The following FBXL13 variants were observed in gnomAD, a reference collection of about 807,000 sequenced individuals.
FBXL13 encodes the protein F-box and leucine-rich repeat protein 13.
A neutral mutation model predicts 83.6 loss-of-function variants in FBXL13; 67 were observed. The ratio of observed to expected loss-of-function variants is 0.80; its 90% confidence interval spans 0.66 to 0.98. The LOEUF is 0.98. Ranked by LOEUF, FBXL13 falls within the 50% of genes least tolerant of loss-of-function variation. The pLI is 0.00. For missense variants in FBXL13, 822 were observed against 866.5 expected (o/e 0.95, Z 0.64); for synonymous variants, 272 against 299.5 (o/e 0.91, Z 0.95).
intron 11 of FBXL13, among the ~76,000 whole-genome samples, chr7:102,904,395 C>A (rs1028644071): frequency 2.7e-5 from 4 of 150,514 alleles, no homozygotes; most frequent in Admixed American, 2.6e-4. Flanking sequence ...TATTCTTTTT[C>A]TTTTTTTTTA....
chr7:102,995,287 A>ACC (rs1829983287), intron 6 of FBXL13, among the ~76,000 whole-genome samples: 1 of 148,120 alleles, frequency 6.8e-6, no homozygotes. Flanking sequence ...CGAGACCATT[A>ACC]TGGCTAACAT....
At chr7:102,888,220 C>T (rs1563047774) in intron 11 of FBXL13, among the ~76,000 whole-genome samples, 1 of 151,658 alleles carries the variant, frequency 6.6e-6, no homozygotes, top group East Asian at 2.0e-4. Flanking sequence ...GGAAAGAGTG[C>T]AGAGTTTGGC....
At chr7:102,848,273 G>GTGTGTACGGATATT (rs1299866637) in intron 17 of FBXL13, among the ~76,000 whole-genome samples, 1 of 116,168 alleles carries the variant, frequency 8.6e-6, no homozygotes, top group South Asian at 2.7e-4. Context: ...ATACACATTC[G>GTGTGTACGGATATT]AGGCCGGGCG....
At chr7:103,063,782 T>C (rs1262919111) in intron 1 of FBXL13, among the ~76,000 whole-genome samples, 1 of 138,712 alleles carries the variant, frequency 7.2e-6, no homozygotes, top group Admixed American at 7.8e-5. Context: ...TTCAAACTCC[T>C]GGCCTCAAGG....
chr7:102,937,506 C>CAAAAAA (rs10642422), intron 8 of FBXL13, among the ~76,000 whole-genome samples: 4 of 113,488 alleles, frequency 3.5e-5, no homozygotes, highest in East Asian at 2.6e-4. Context: ...GACTCTGTCT[C>CAAAAAA]AAAAAAAAAA....
chr7:102,854,419 C>T (rs1484633029), intron 17 of FBXL13, among the ~76,000 whole-genome samples: 1 of 152,086 alleles, frequency 6.6e-6, no homozygotes, highest in Admixed American at 6.6e-5. Context: ...ATACCTAATG[C>T]TAGATGACGA....
intron 14 of FBXL13, among the ~76,000 whole-genome samples, chr7:102,882,911 G>GA (rs1810299394): frequency 6.6e-6 from 1 of 152,042 alleles, no homozygotes; most frequent in African/African-American, 2.4e-5. Flanking sequence ...CTTCACAGAG[G>GA]AAAAATCTAT....
intron 17 of FBXL13, among the ~76,000 whole-genome samples, chr7:102,838,448 T>C (rs1562972874): frequency 6.6e-6 from 1 of 150,672 alleles, no homozygotes; most frequent in Admixed American, 6.6e-5. Context: ...AACACCATAG[T>C]AAAAAAAAAA....
rs1350080476 is a variant in FBXL13, at chr7:103,028,810, ATAAAT to A, written c.69-67_69-63del. 7.4e-6 allele frequency: 10 copies of A among 1,346,492 alleles called. No homozygotes were observed. In the Admixed American group the frequency reaches 1.4e-4, roughly 19 times the overall value. 83.4% of individuals were successfully genotyped at this position (1,346,492 alleles called of 1,614,324 possible). ...TGATATTAGGGCAATATATCATTAA[ATAAAT>A]TAAGGAGAACAAAGAATGATATCTC... On this transcript the variant is annotated intron_variant, in intron 3 of 19. Coordinates refer to ENST00000313221, the Ensembl canonical transcript of FBXL13.
intron 6 of FBXL13, chr7:102,976,274 CT>C (rs1315379612): frequency 1.7e-5 from 12 of 685,846 alleles, no homozygotes; most frequent in Middle Eastern, 5.0e-4. Context: ...GCAACCTATT[CT>C]GCTTTCCCTA....
At chr7:103,063,451 A>G (rs13222980) in intron 1 of FBXL13, among the ~76,000 whole-genome samples, 86,096 of 152,048 alleles carry the variant, frequency 0.57, 27,141 homozygotes, top group Non-Finnish European at 0.7. Flanking sequence ...TCAGTCTCCA[A>G]GGAAGGTCTT....
intron 10 of FBXL13, among the ~76,000 whole-genome samples, chr7:102,919,296 G>A (rs568635660): frequency 6.6e-6 from 1 of 152,262 alleles, no homozygotes; most frequent in South Asian, 2.1e-4. Flanking sequence ...AGAGAAGGCA[G>A]TATGCTAATG....
intron 10 of FBXL13, among the ~76,000 whole-genome samples, chr7:102,918,289 T>C (rs2129469935): frequency 6.6e-6 from 1 of 152,318 alleles, no homozygotes; most frequent in South Asian, 2.1e-4. Flanking sequence ...ATTCTGAATA[T>C]TCTCTCAATG....
At chr7:102,883,901 A>C (rs1323192820) in intron 12 of FBXL13, among the ~76,000 whole-genome samples, 3 of 152,228 alleles carry the variant, frequency 2.0e-5, no homozygotes, top group African/African-American at 7.2e-5. Flanking sequence ...GAGTATGGGA[A>C]AATATGAGAA....
intron 10 of FBXL13, among the ~76,000 whole-genome samples, chr7:102,924,959 G>A (rs937960700): frequency 6.6e-6 from 1 of 151,728 alleles, no homozygotes; most frequent in Non-Finnish European, 1.5e-5. Flanking sequence ...TCTCATCACC[G>A]TTATTTTTCA....
rs139794895 is a variant in FBXL13, at chr7:103,033,155, T to C, written c.1-3737A>G. On this transcript the variant is annotated intron_variant, in intron 2 of 19. Transcript: ENST00000313221. ...ACAGACAAGAGACTAAGAAAGGTTTTTTTGTTTGTTTTTTGTTTTTGTTTT... is the reference window on the plus strand; with the variant it reads ...ACAGACAAGAGACTAAGAAAGGTTTCTTTGTTTGTTTTTTGTTTTTGTTTT... 3.9e-3 allele frequency among the ~76,000 whole-genome samples: 581 copies of C among 150,198 alleles called. 4 individuals are homozygous for C. The highest frequency in any genetic ancestry group is 0.014 in the African/African-American group (573 of 39,562).
intron 6 of FBXL13, among the ~76,000 whole-genome samples, chr7:103,011,496 A>G (rs1791616452): frequency 6.6e-6 from 1 of 152,028 alleles, no homozygotes; most frequent in South Asian, 2.1e-4. Flanking sequence ...AAAATTAGCC[A>G]GGTGTGGTGG....
chr7:103,003,428 C>T (rs1316929184), intron 6 of FBXL13, among the ~76,000 whole-genome samples: 1 of 150,870 alleles, frequency 6.6e-6, no homozygotes, highest in Non-Finnish European at 1.5e-5. Context: ...GCTGGGATTA[C>T]AGGTGCACGC....
chr7:103,043,284 C>T, intron 2 of FBXL13, among the ~76,000 whole-genome samples: 1 of 152,166 alleles, frequency 6.6e-6, no homozygotes, highest in Non-Finnish European at 1.5e-5. Context: ...CCATCTCATG[C>T]CCATTAGAAT....
Sources: gnomAD v4.1 joint callset for allele counts (sites outside exome capture counted in the v4.1 genomes callset) on GRCh38, gnomAD v4.1.1 for gene constraint, MANE v1.5 for transcripts, NCBI Gene and HGNC (gene_info 2026-07-23, HGNC 2026-07-21) for gene names.